The following PTPRC variants were observed in gnomAD, a reference collection of about 807,000 sequenced individuals.
PTPRC encodes the protein receptor-type tyrosine-protein phosphatase C.
A neutral mutation model predicts 155.9 loss-of-function variants in PTPRC; 44 were observed. That is an observed-to-expected ratio of 0.28 (90% CI 0.22 to 0.36). The LOEUF (loss-of-function observed/expected upper bound fraction) is 0.36. Among genes scored for constraint, PTPRC ranks in the 10% least tolerant of loss-of-function variants. The pLI is 1.00. For synonymous variants in PTPRC, 525 were observed against 533.1 expected, an observed-to-expected ratio of 0.98 and a Z score of 0.21; for missense variants, 1,401 against 1,564.6, an observed-to-expected ratio of 0.90 and a Z score of 1.76.
At chr1:198,703,818 G>A (rs1666591673) in intron 7 of PTPRC, 1 of 199,118 alleles carries the variant, frequency 5.0e-6, no homozygotes, top group African/African-American at 2.3e-5. Context: ...CAGCAAGTAA[G>A]CTGATCAGAG....
chr1:198,737,580 T>C (rs527595019), intron 23 of PTPRC, among the ~76,000 whole-genome samples: 12 of 151,908 alleles, frequency 7.9e-5, no homozygotes, highest in Admixed American at 2.0e-4. Context: ...AAGTATAATT[T>C]CAAATTAGGT....
chr1:198,688,831 A>T (rs1288611304), intron 2 of PTPRC, among the ~76,000 whole-genome samples: 2 of 152,202 alleles, frequency 1.3e-5, no homozygotes, highest in Non-Finnish European at 2.9e-5. Context: ...TGATGGGAAA[A>T]GGGGACGCCT....
At chr1:198,646,912 G>C (rs546476444) in intron 2 of PTPRC, among the ~76,000 whole-genome samples, 6 of 151,836 alleles carry the variant, frequency 4.0e-5, no homozygotes, top group African/African-American at 9.6e-5. Flanking sequence ...TTTGGTCTTT[G>C]TGCATTTAGG....
At chr1:198,680,013 C>T (rs962141121) in intron 2 of PTPRC, 7 of 564,918 alleles carry the variant, frequency 1.2e-5, no homozygotes, top group South Asian at 6.2e-5. Context: ...GGCTCAAGGG[C>T]CTGGACCGCT....
chr1:198,755,983 T>A lies in PTPRC; in HGVS notation c.3723T>A (p.His1241Gln). 2 of 1,613,118 alleles carry A rather than the reference T, an allele frequency of 1.2e-6. No homozygotes were observed. The highest frequency in any genetic ancestry group is 1.7e-6 in the Non-Finnish European group (2 of 1,179,494). ...AQNGQVKKNN[H>Q]QEDKIEFDNE... ...ATGGACAAGTAAAGAAAAACAACCA[T>A]CAAGAAGATAAAATTGAATTTGATA... Residue 1241 changes from histidine to glutamine, a missense_variant, in exon 33 of 33, where the codon CAT becomes CAA. This residue lies in a region of PTPRC where 400 missense variants were observed against 389.5 expected (regional missense o/e 1.03). Coordinates refer to ENST00000442510, the MANE Select transcript of PTPRC (RefSeq NM_002838.5).
chr1:198,703,749 G>A (rs1172257849), intron 7 of PTPRC: 4 of 258,548 alleles, frequency 1.5e-5, no homozygotes, highest in South Asian at 5.2e-5. Context: ...GTGAGAGGGC[G>A]TGGAGATAAA....
intron 15 of PTPRC, among the ~76,000 whole-genome samples, chr1:198,727,830 A>G (rs1185105500): frequency 6.6e-6 from 1 of 152,184 alleles, no homozygotes; most frequent in African/African-American, 2.4e-5. Context: ...TCCTAACTAT[A>G]GAATGAAACC....
intron 26 of PTPRC, among the ~76,000 whole-genome samples, chr1:198,745,989 T>C (rs1655119060): frequency 6.6e-6 from 1 of 151,744 alleles, no homozygotes; most frequent in Admixed American, 6.6e-5. Flanking sequence ...TGATGTAATA[T>C]TTGGAATGAA....
intron 2 of PTPRC, among the ~76,000 whole-genome samples, chr1:198,662,712 C>A (rs1048925013): frequency 3.9e-5 from 6 of 152,096 alleles, no homozygotes; most frequent in Admixed American, 3.9e-4. Context: ...CACACATTGA[C>A]CAGTATTCCT....
intron 31 of PTPRC, 70 bp from the exon 32 acceptor site, chr1:198,754,199 T>C: frequency 6.7e-7 from 1 of 1,492,796 alleles, no homozygotes; most frequent in Non-Finnish European, 9.3e-7. Context: ...TCTCTCTTCC[T>C]GTTTTTATTC....
intron 2 of PTPRC, among the ~76,000 whole-genome samples, chr1:198,680,452 G>GAA (rs71648398): frequency 2.0e-4 from 25 of 121,986 alleles, no homozygotes; most frequent in Admixed American, 1.4e-3. Flanking sequence ...AACTCTCTCA[G>GAA]AAAAAAAAAA....
chr1:198,691,272 T>A (rs1665910624), intron 2 of PTPRC, among the ~76,000 whole-genome samples: 1 of 152,088 alleles, frequency 6.6e-6, no homozygotes, highest in East Asian at 1.9e-4. Context: ...CATTTTCACA[T>A]GAAATCTCAA....
chr1:198,707,034 C>G, intron 9 of PTPRC, 82 bp downstream of exon 9: 1 of 1,171,846 alleles, frequency 8.5e-7, no homozygotes, highest in East Asian at 2.5e-5. Context: ...GTCACAGGAG[C>G]TAGTCTGGTG....
rs552447902 is a variant in PTPRC, at chr1:198,643,800, T to A, written c.73+4459T>A. ...GTAGCGGAGTGATAACACAAACAGATCAGGTCCAGTCATGGCAATTGCTGG... is the reference window on the plus strand; with the variant it reads ...GTAGCGGAGTGATAACACAAACAGAACAGGTCCAGTCATGGCAATTGCTGG... On this transcript the variant is annotated intron_variant, in intron 2 of 32. Coordinates refer to ENST00000442510, the MANE Select transcript of PTPRC (RefSeq NM_002838.5). 1.3e-3 allele frequency among the ~76,000 whole-genome samples: 190 copies of A among 151,952 alleles called. 3 individuals carry two copies. In the South Asian group the frequency reaches 0.023, roughly 18 times the overall value.
chr1:198,651,434 T>G, intron 2 of PTPRC, among the ~76,000 whole-genome samples: 1 of 151,704 alleles, frequency 6.6e-6, no homozygotes, highest in East Asian at 1.9e-4. Flanking sequence ...GAATCTAATA[T>G]CGTGAAAATT....
Position 198,703,166 on chromosome 1 carries a change from C to T in PTPRC, c.584-132C>T, listed in dbSNP as rs74134785. 2,562 of 1,199,178 alleles carry T rather than the reference C, an allele frequency of 2.1e-3. 40 individuals are homozygous for T. The African/African-American group carries it at 0.034, about 16-fold the overall frequency. 74.3% of individuals were successfully genotyped at this position (1,199,178 alleles called of 1,614,324 possible). On this transcript the variant is annotated intron_variant, in intron 6 of 32. Coordinates refer to ENST00000442510, the MANE Select transcript of PTPRC (RefSeq NM_002838.5). The stretch of plus-strand genomic sequence containing the variant: ...TTCACTTTATTATTTTAAAAACAAG[C>T]GAATGTCAAATCAAACGAGGACTCC...
intron 27 of PTPRC, among the ~76,000 whole-genome samples, chr1:198,748,492 G>A (rs940960108): frequency 6.6e-6 from 1 of 151,680 alleles, no homozygotes; most frequent in African/African-American, 2.4e-5. Flanking sequence ...AGAAAAAAGA[G>A]CAAGTCTCTT....
At chr1:198,659,909 G>A (rs1034349125) in intron 2 of PTPRC, among the ~76,000 whole-genome samples, 7 of 151,050 alleles carry the variant, frequency 4.6e-5, no homozygotes, top group African/African-American at 1.7e-4. Context: ...TATTTTGGTA[G>A]TTTTTCTTTA....
In PTPRC at chr1:198,716,714, A is replaced by C; in HGVS notation, c.1324A>C (p.Ile442Leu). ...TTGCCTCAATCTGGATAAAAACCTG[A>C]TCAAATATGATTTGCAAAATTTAAA... is the stretch of plus-strand genomic sequence containing the variant. Reference protein sequence around the residue: ...KDCLNLDKNLIKYDLQNLKPY... With the variant: ...KDCLNLDKNLLKYDLQNLKPY... The change falls in exon 13 of 33, where the codon ATC (isoleucine) becomes CTC (leucine). Residue 442 changes from isoleucine to leucine, a missense_variant. By Grantham distance (5) the Ile-to-Leu change is conservative (BLOSUM62 2). Coordinates refer to ENST00000442510, the MANE Select transcript of PTPRC (RefSeq NM_002838.5). 6.8e-6 allele frequency: 11 copies of C among 1,612,216 alleles called. No individual in the cohort carries two copies. The highest frequency in any genetic ancestry group is 8.5e-6 in the Non-Finnish European group (10 of 1,179,788).
Sources: gnomAD v4.1 joint callset for allele counts (sites outside exome capture counted in the v4.1 genomes callset) on GRCh38, gnomAD v4.1.1 for gene constraint, gnomAD v4.1.1 regional missense constraint, MANE v1.5 for transcripts, NCBI Gene and HGNC (gene_info 2026-07-23, HGNC 2026-07-21) for gene names.